Variants in PHF2 observed in about 807,000 individuals in gnomAD.
The protein encoded by PHF2 is PHD finger protein 2, also known as lysine-specific demethylase PHF2.
In PHF2, 27 loss-of-function variants were observed where a neutral mutation model predicts 120.5. The ratio of observed to expected loss-of-function variants is 0.22; its 90% CI spans 0.17 to 0.31. The LOEUF (loss-of-function observed/expected upper bound fraction) is 0.31, where lower values mean the gene tolerates loss of function less well. PHF2 is among the 10% of genes least tolerant of loss of function. The probability of loss-of-function intolerance (pLI) is 1.00; values close to 1 mark genes in which losing one functional copy is unlikely to be tolerated. For synonymous variants in PHF2, 568 were observed against 592.5 expected, an observed-to-expected ratio of 0.96 and a Z score of 0.60; for missense variants, 1,024 against 1,434.8, an observed-to-expected ratio of 0.71 and a Z score of 4.63.
chr9:93,613,577 T>C (rs1587681784), intron 1 of PHF2, among the ~76,000 whole-genome samples: 1 of 135,456 alleles, frequency 7.4e-6, no homozygotes, highest in African/African-American at 2.6e-5. Context: ...TTTTTTTTTT[T>C]GAGACAGAGT....
chr9:93,592,722 G>C (rs1825251990), intron 1 of PHF2, among the ~76,000 whole-genome samples: 1 of 152,184 alleles, frequency 6.6e-6, no homozygotes, highest in Non-Finnish European at 1.5e-5. Context: ...CATCCGGTGA[G>C]CCAGGTTGTG....
intron 1 of PHF2, among the ~76,000 whole-genome samples, chr9:93,579,411 A>C (rs1482321384): frequency 2.0e-5 from 3 of 152,150 alleles, no homozygotes; most frequent in Non-Finnish European, 4.4e-5. Flanking sequence ...TGCAGTGAAC[A>C]TCTTACCCAG....
At position 93,677,736 on chromosome 9, in the gene PHF2, T is replaced by C. The variant is rs1029466804; in HGVS notation, c.*60T>C. On this transcript the variant is annotated 3_prime_UTR_variant, in exon 22 of 22. Transcript: ENST00000359246. The surrounding 1 kb of genome is among the most constrained non-coding windows in gnomAD (Gnocchi z 4.4). ...GGACCCCCGGAGCCCCGCGAAAACATCTGCCTCCCAGGAGGGTGCCGAGCT... is the reference window on the plus strand; with the variant it reads ...GGACCCCCGGAGCCCCGCGAAAACACCTGCCTCCCAGGAGGGTGCCGAGCT... 2.7e-5 allele frequency: 36 copies of C among 1,329,788 alleles called. No homozygotes were observed. The highest frequency in any genetic ancestry group is 3.4e-5 in the Non-Finnish European group (32 of 931,022). The allele number at this position is 1,329,788 out of a possible 1,614,324, so 82.4% of individuals were successfully genotyped here.
chr9:93,645,400 C>T (rs1322736371), intron 3 of PHF2, among the ~76,000 whole-genome samples: 2 of 152,246 alleles, frequency 1.3e-5, no homozygotes, highest in African/African-American at 4.8e-5. Context: ...ACACGTGAGA[C>T]CCCATGTCCC....
chr9:93,630,401 C>T (rs1192536866), intron 2 of PHF2, among the ~76,000 whole-genome samples: 2 of 152,186 alleles, frequency 1.3e-5, no homozygotes, highest in Non-Finnish European at 2.9e-5. Context: ...TTTCTAGGGG[C>T]CCCCAGCCTA....
intron 2 of PHF2, among the ~76,000 whole-genome samples, chr9:93,633,488 G>A (rs897426760): frequency 1.3e-5 from 2 of 152,228 alleles, no homozygotes; most frequent in Admixed American, 1.3e-4. Context: ...TGGGGTTGGG[G>A]TGACTCTGCT....
chr9:93,628,859 T>TG (rs1385609146), intron 1 of PHF2, among the ~76,000 whole-genome samples: 1 of 152,210 alleles, frequency 6.6e-6, no homozygotes, highest in Non-Finnish European at 1.5e-5. Context: ...TATTTAGTCT[T>TG]GGGGGCTTCT....
chr9:93,666,193 C>CA, intron 16 of PHF2, 133 bp downstream of exon 16: 1 of 733,632 alleles, frequency 1.4e-6, no homozygotes, highest in Non-Finnish European at 2.3e-6. Context: ...CCCTTACCCT[C>CA]ACCCCACCCT....
intron 1 of PHF2, among the ~76,000 whole-genome samples, chr9:93,622,261 C>T (rs1484386205): frequency 1.3e-5 from 2 of 152,222 alleles, no homozygotes; most frequent in Admixed American, 6.5e-5. Context: ...CAAGGCCCAG[C>T]CAGCCTGTCC....
intron 12 of PHF2, among the ~76,000 whole-genome samples, chr9:93,661,265 G>A (rs778766561): frequency 5.3e-5 from 8 of 152,124 alleles, no homozygotes; most frequent in South Asian, 2.1e-4. Flanking sequence ...GGAGGAGGTC[G>A]TTATCTGCTT....
intron 7 of PHF2, among the ~76,000 whole-genome samples, chr9:93,655,059 T>C (rs1826435066): frequency 6.6e-6 from 1 of 152,222 alleles, no homozygotes; most frequent in African/African-American, 2.4e-5. Context: ...AGGCCCGTCA[T>C]GAGCCACTGT....
intron 1 of PHF2, among the ~76,000 whole-genome samples, chr9:93,584,432 G>T (rs969601761): frequency 1.3e-5 from 2 of 152,184 alleles, no homozygotes; most frequent in African/African-American, 4.8e-5. Flanking sequence ...ATGATGGAAG[G>T]TAGGAGTCCA....
chr9:93,629,360 G>A (rs1825961762), intron 1 of PHF2, among the ~76,000 whole-genome samples: 1 of 152,182 alleles, frequency 6.6e-6, no homozygotes, highest in African/African-American at 2.4e-5. Flanking sequence ...CCGACCATCT[G>A]CATAGGAGGT....
intron 1 of PHF2, among the ~76,000 whole-genome samples, chr9:93,610,860 A>C (rs1412724870): frequency 3.3e-5 from 5 of 152,200 alleles, no homozygotes; most frequent in Middle Eastern, 3.4e-3. Context: ...CTCCCTGTGC[A>C]TTGGGCCTCC....
intron 15 of PHF2, 60 bp downstream of exon 15, chr9:93,665,924 G>A (rs1826670107): frequency 6.2e-7 from 1 of 1,612,150 alleles, no homozygotes; most frequent in African/African-American, 1.3e-5. Context: ...GCCCCGGAGA[G>A]GTCTTCCCAG....
At chr9:93,636,605 T>A (rs1363755021) in intron 3 of PHF2, 80 bp downstream of exon 3, 3 of 1,020,836 alleles carry the variant, frequency 2.9e-6, no homozygotes, top group Admixed American at 4.3e-5. Context: ...CGCTATCCAT[T>A]GCTGGGGGCT....
rs138189260 is a variant in PHF2, at chr9:93,614,736, C to T, written c.99-15234C>T. On this transcript the variant is annotated intron_variant, in intron 1 of 21. Coordinates refer to ENST00000359246, the MANE Select transcript of PHF2 (RefSeq NM_005392.4). The stretch of plus-strand genomic sequence containing the variant: ...AGCTACTCCCTGCCAGAAATGAAAG[C>T]TAGGGTCATGGTCCATTAGCCCAGC... 4.1e-3 allele frequency among the ~76,000 whole-genome samples: 617 copies of T among 150,156 alleles called. 3 individuals carry two copies. Among genetic ancestry groups the T allele is most frequent in the African/African-American group, 0.014 (586 of 40,690 alleles).
In PHF2 at chr9:93,666,054, G is replaced by A. The variant is rs145211949; in HGVS notation, c.2181G>A (p.Ala727=). Residue 727 remains alanine (A), a synonymous_variant, in exon 16 of 22, where the codon GCG becomes GCA. Coordinates refer to ENST00000359246, the MANE Select transcript of PHF2 (RefSeq NM_005392.4). ...PVTKPKLDSA[A]YKSDDSSDEG... ...CGAAGCCAAAGCTGGACTCGGCAGC[G>A]TACAAGGTGAGCTGCCTTACAGGCC... 9.3e-6 allele frequency: 15 copies of A among 1,612,422 alleles called. No homozygotes were observed. Among genetic ancestry groups the A allele is most frequent in the Middle Eastern group, 1.6e-4 (1 of 6,076 alleles).
At chr9:93,619,147 C>G (rs1825782278) in intron 1 of PHF2, among the ~76,000 whole-genome samples, 1 of 152,114 alleles carries the variant, frequency 6.6e-6, no homozygotes, top group Non-Finnish European at 1.5e-5. Context: ...CTTTGTAGCT[C>G]TGAGGCCTGG....
Sources: gnomAD v4.1 joint callset for allele counts (sites outside exome capture counted in the v4.1 genomes callset) on GRCh38, gnomAD v4.1.1 for gene constraint, Gnocchi (gnomAD v3.1) non-coding constraint, MANE v1.5 for transcripts, NCBI Gene and HGNC (gene_info 2026-07-23, HGNC 2026-07-21) for gene names.